OGDH: variants seen among roughly 807,000 people sequenced by gnomAD.
OGDH encodes the protein oxoglutarate dehydrogenase.
OGDH carries 38 observed loss-of-function variants against 116.6 expected under a neutral mutation model. The ratio of observed to expected loss-of-function variants is 0.33; its 90% CI spans 0.25 to 0.43. OGDH has a LOEUF of 0.43. Among genes scored for constraint, OGDH ranks in the 20% least tolerant of loss-of-function variants. OGDH has a pLI of 1.00. For missense variants in OGDH, 825 were observed against 1,357.2 expected (o/e 0.61, Z 6.16); for synonymous variants, 488 against 533.3 (o/e 0.92, Z 1.17).
chr7:44,625,895 C>T (rs967733379), intron 2 of OGDH, among the ~76,000 whole-genome samples: 9 of 152,070 alleles, frequency 5.9e-5, no homozygotes, highest in Admixed American at 5.9e-4. Context: ...ATTGCTGAAG[C>T]CCAGGAATTC....
rs1234531142 is a variant in OGDH at position 44,694,745 on chromosome 7, G to A, written c.1668+169G>A. On this transcript the variant is annotated intron_variant, in intron 12 of 22. Coordinates refer to ENST00000222673, the MANE Select transcript of OGDH (RefSeq NM_002541.4). This position sits in a 1 kb window ranked among gnomAD's most constrained non-coding sequence, Gnocchi z 4.2. ...AATGCATAACTTTTTGGAGAATCTG[G>A]GCCACTGAGATGCTTTATAAAGGAA... Among the ~76,000 whole-genome samples the A allele has an allele frequency of 6.6e-6, 1 of 152,210 alleles. No individual in the cohort carries two copies. Among genetic ancestry groups the A allele is most frequent in the East Asian group, 1.9e-4 (1 of 5,202 alleles).
At chr7:44,612,084 T>G (rs974309045) in intron 1 of OGDH, among the ~76,000 whole-genome samples, 7 of 152,226 alleles carry the variant, frequency 4.6e-5, no homozygotes, top group Non-Finnish European at 7.3e-5. Flanking sequence ...GTTTAAAGTT[T>G]GAGTGTTTTT....
chr7:44,678,651 C>T lies in OGDH; in HGVS notation c.1206+2502C>T, dbSNP rs142038862. Among the ~76,000 whole-genome samples, 76 of 152,302 alleles carry T rather than the reference C, an allele frequency of 5.0e-4. 2 individuals are homozygous for T. The highest frequency in any genetic ancestry group is 1.8e-3 in the African/African-American group (73 of 41,566). On this transcript the variant is annotated intron_variant, in intron 9 of 22. Coordinates refer to ENST00000222673, the MANE Select transcript of OGDH (RefSeq NM_002541.4). ...TTTGCCCTTGCCCCAATGTGGATAG[C>T]TGCCAGGCCCTCTTTCTGAGCCTCC... is the stretch of plus-strand genomic sequence containing the variant.
At chr7:44,703,045 G>A (rs1344661305) in intron 20 of OGDH, among the ~76,000 whole-genome samples, 1 of 152,096 alleles carries the variant, frequency 6.6e-6, no homozygotes, top group Admixed American at 6.6e-5. Flanking sequence ...TGTCCCTTGC[G>A]ACTGGCTTGT....
rs799438 is a variant in OGDH, at chr7:44,708,948, A to G, written c.*949A>G. ...CCAAGGGGCCAGCTGCCCCTCATTT[A>G]TCACTCTGACCTTCACAGGGACAGA... On this transcript the variant is annotated 3_prime_UTR_variant, in exon 23 of 23. Coordinates refer to ENST00000222673, the MANE Select transcript of OGDH (RefSeq NM_002541.4). 10 of 151,826 alleles carry G rather than the reference A, an allele frequency of 6.6e-5. No homozygotes were observed. Among genetic ancestry groups the G allele is most frequent in the African/African-American group, 2.4e-4 (10 of 41,346 alleles). The allele number at this position is 151,826 out of a possible 1,614,324, so 9.4% of individuals were successfully genotyped here.
intron 20 of OGDH, among the ~76,000 whole-genome samples, chr7:44,703,297 A>G (rs928996154): frequency 7.9e-5 from 12 of 151,918 alleles, no homozygotes; most frequent in Admixed American, 2.0e-4. Context: ...ACGCCCTGCT[A>G]CTCTGGAGGC....
intron 10 of OGDH, among the ~76,000 whole-genome samples, chr7:44,691,981 T>TTAA (rs1228471357): frequency 9.7e-6 from 1 of 102,636 alleles, no homozygotes; most frequent in African/African-American, 4.4e-5. Context: ...GACTCTGTCT[T>TTAA]AAAAAAAAAA....
At position 44,701,631 on chromosome 7, in the gene OGDH, A is replaced by G; in HGVS notation, c.2632+16A>G. The G allele has an allele frequency of 6.2e-7, 1 of 1,612,782 alleles. No homozygotes were observed. The highest frequency in any genetic ancestry group is 8.5e-7 in the Non-Finnish European group (1 of 1,178,872). On this transcript the variant is annotated intron_variant, in intron 20 of 22. Coordinates refer to ENST00000222673, the MANE Select transcript of OGDH (RefSeq NM_002541.4). ...ATGCTTCCAGGTGGGTGTGAGGGAG[A>G]TGGGCATTTCCTTGGGGGAAGCTAT...
intron 4 of OGDH, among the ~76,000 whole-genome samples, chr7:44,652,342 T>G (rs1786487113): frequency 6.6e-6 from 1 of 152,058 alleles, no homozygotes. Flanking sequence ...ACTCCTGACC[T>G]CAGGTGATGC....
At chr7:44,625,835 T>A (rs1785182598) in intron 2 of OGDH, among the ~76,000 whole-genome samples, 2 of 152,048 alleles carry the variant, frequency 1.3e-5, no homozygotes, top group Non-Finnish European at 2.9e-5. Context: ...TAGCTAGGTG[T>A]GGTGGCACAT....
chr7:44,639,246 A>G (rs1247752642), intron 2 of OGDH, among the ~76,000 whole-genome samples: 2 of 152,156 alleles, frequency 1.3e-5, no homozygotes, highest in African/African-American at 2.4e-5. Context: ...GAGAAGAGGT[A>G]TCTCCTTGGG....
At chr7:44,647,298 C>T (rs1390133009) in intron 3 of OGDH, 3 of 601,698 alleles carry the variant, frequency 5.0e-6, no homozygotes, top group Admixed American at 3.1e-5. Context: ...TAAGTTATTC[C>T]AAGACTTTTA....
Position 44,698,264 on chromosome 7 carries a change from G to A in OGDH, c.2430+1G>A, listed in dbSNP as rs1174788515. Reference sequence around the variant, plus strand: ...CAACGATGACCCAGATGTCCTGCCAGTGAGTAATACAGGCCCTGTCAGCCC... The same window carrying A: ...CAACGATGACCCAGATGTCCTGCCAATGAGTAATACAGGCCCTGTCAGCCC... On this transcript the variant is annotated splice_donor_variant, in intron 18 of 22. Transcript: ENST00000222673. LOFTEE classifies it high-confidence loss of function. The A allele has an allele frequency of 6.2e-7, 1 of 1,614,028 alleles. No homozygotes were observed. Among genetic ancestry groups the A allele is most frequent in the South Asian group, 1.1e-5 (1 of 91,068 alleles).
chr7:44,611,807 C>T (rs1784578614), intron 1 of OGDH, among the ~76,000 whole-genome samples: 1 of 149,628 alleles, frequency 6.7e-6, no homozygotes, highest in Non-Finnish European at 1.5e-5. Flanking sequence ...CTTTATGGTA[C>T]TTTTTGATGA....
chr7:44,685,506 G>A (rs1292833865), intron 10 of OGDH, among the ~76,000 whole-genome samples: 5 of 152,056 alleles, frequency 3.3e-5, no homozygotes, highest in Non-Finnish European at 5.9e-5. Context: ...ATCACATTTT[G>A]CTTATTCATT....
chr7:44,705,051 C>CTTTTTTTTTTTTTTTT lies in OGDH; in HGVS notation c.2633-2170_2633-2155dup, dbSNP rs777624714. Reference sequence around the variant, plus strand: ...TTGATGTACAAAAGTTTTTAATTTTCTTTTTTTTTTTTTTTTTTTGAGACG... The same window carrying CTTTTTTTTTTTTTTTT: ...TTGATGTACAAAAGTTTTTAATTTTCTTTTTTTTTTTTTTTTTTTTTTTTTTTTTTTTTTTGAGACG... On this transcript the variant is annotated intron_variant, in intron 20 of 22. Coordinates refer to ENST00000222673, the MANE Select transcript of OGDH (RefSeq NM_002541.4). Among the ~76,000 whole-genome samples, 32 of 93,920 alleles carry CTTTTTTTTTTTTTTTT rather than the reference C, an allele frequency of 3.4e-4. 3 individuals carry two copies. The highest frequency in any genetic ancestry group is 1.7e-3 in the African/African-American group (29 of 17,068). 61.6% of individuals were successfully genotyped at this position (93,920 alleles called of 152,430 possible).
rs1788628909 is a variant in OGDH at position 44,697,288 on chromosome 7, T to G, written c.2052-82T>G. 6.4e-7 allele frequency: 1 copy of G among 1,571,642 alleles called. No individual in the cohort carries two copies. Among genetic ancestry groups the G allele is most frequent in the Non-Finnish European group, 8.7e-7 (1 of 1,151,326 alleles). ...AGTCCAGGTCACAGAGCATGGCATC[T>G]GCTGGTGCTTCGTGCGGGTCCCCAG... is the stretch of plus-strand genomic sequence containing the variant. On this transcript the variant is annotated intron_variant, in intron 15 of 22. Transcript: ENST00000222673. The surrounding 1 kb of genome is among the most constrained non-coding windows in gnomAD (Gnocchi z 6.0).
intron 10 of OGDH, among the ~76,000 whole-genome samples, chr7:44,689,168 G>A (rs1237439366): frequency 1.4e-5 from 2 of 147,464 alleles, no homozygotes; most frequent in East Asian, 4.0e-4. Flanking sequence ...CAAAGTGGCT[G>A]TGCCATTTTT....
rs528330991 is a variant in OGDH at position 44,679,746 on chromosome 7, T to G, written c.1207-1974T>G. 9.9e-5 allele frequency among the ~76,000 whole-genome samples: 15 copies of G among 152,280 alleles called. No individual in the cohort carries two copies. The South Asian group carries it at 2.9e-3, about 29-fold the overall frequency. ...AAGACCTTGCACAATGTGAGTGGGT[T>G]TCATCCAGTCAGTTCAAGGCCTTCG... On this transcript the variant is annotated intron_variant, in intron 9 of 22. Coordinates refer to ENST00000222673, the MANE Select transcript of OGDH (RefSeq NM_002541.4).
Sources: gnomAD v4.1 joint callset for allele counts (sites outside exome capture counted in the v4.1 genomes callset) on GRCh38, gnomAD v4.1.1 for gene constraint, Gnocchi (gnomAD v3.1) non-coding constraint, MANE v1.5 for transcripts, NCBI Gene and HGNC (gene_info 2026-07-23, HGNC 2026-07-21) for gene names.